Variants in RAD51 observed in about 807,000 individuals in gnomAD.
RAD51 encodes DNA repair protein RAD51 homolog 1.
In RAD51, 14 loss-of-function variants were observed where a neutral mutation model predicts 41.5. The ratio of observed to expected loss-of-function variants is 0.34; its 90% CI spans 0.22 to 0.53. The LOEUF (loss-of-function observed/expected upper bound fraction) is 0.53. Among genes scored for constraint, RAD51 ranks in the 20% least tolerant of loss-of-function variants. The probability of loss-of-function intolerance (pLI) is 0.95; values close to 1 mark genes in which losing one functional copy is unlikely to be tolerated. For missense variants in RAD51, 234 were observed against 422.0 expected, an observed-to-expected ratio of 0.55 and a Z score of 3.90; for synonymous variants, 136 against 148.6, an observed-to-expected ratio of 0.92 and a Z score of 0.62.
chr15:40,709,198 A>G (rs769205311), intron 5 of RAD51, 82 bp downstream of exon 5: 48 of 1,218,414 alleles, frequency 3.9e-5, no homozygotes, highest in Non-Finnish European at 5.1e-5. Context: ...TAGGATGGCC[A>G]TAAAAGGTAC....
In RAD51 at chr15:40,695,202, G is replaced by C. The variant is rs1011285648; in HGVS notation, c.-226G>C. ...TCTGAAAGCCGCTGGCGGACCGCGC[G>C]CAGCGGCCAGAGACCGAGCCCTAAG... On this transcript the variant is annotated 5_prime_UTR_variant, in exon 1 of 10. Transcript: ENST00000267868. The C allele has an allele frequency of 1.3e-5, 2 of 152,316 alleles. No individual in the cohort carries two copies. Among genetic ancestry groups the C allele is most frequent in the Non-Finnish European group, 2.9e-5 (2 of 68,116 alleles). 9.4% of individuals were successfully genotyped at this position (152,316 alleles called of 1,614,324 possible). A position where few individuals can be genotyped will look rare whatever the true frequency, so the allele number is the denominator to read the frequency against.
Position 40,701,114 on chromosome 15 carries a change from C to G in RAD51, c.138C>G (p.Phe46Leu), listed in dbSNP as rs1298742495. The G allele has an allele frequency of 1.2e-6, 2 of 1,614,176 alleles. No individual in the cohort carries two copies. Among genetic ancestry groups the G allele is most frequent in the Admixed American group, 1.7e-5 (1 of 60,014 alleles). The change falls in exon 3 of 10, where the codon TTC becomes TTG. Residue 46 changes from phenylalanine (F) to leucine (L), a missense_variant. Physicochemically the swap from Phe to Leu is conservative, Grantham distance 22. This residue lies in a region of RAD51 where 100 missense variants were observed against 135.5 expected (regional missense o/e 0.74). Coordinates refer to ENST00000267868, the MANE Select transcript of RAD51 (RefSeq NM_002875.5). The part of the protein sequence containing the change: ...NDVKKLEEAG[F>L]HTVEAVAYAP... ...TGAAGAAATTGGAAGAAGCTGGATT[C>G]CATACTGTGGAGGCTGTTGCCTATG...
chr15:40,722,400 C>T (rs555805128), intron 6 of RAD51, among the ~76,000 whole-genome samples: 18 of 144,690 alleles, frequency 1.2e-4, no homozygotes, highest in Non-Finnish European at 1.9e-4. Flanking sequence ...GCAACAAGAG[C>T]GAAACTCTGG....
At chr15:40,726,512 C>T (rs1896592627) in intron 6 of RAD51, among the ~76,000 whole-genome samples, 1 of 151,858 alleles carries the variant, frequency 6.6e-6, no homozygotes, top group African/African-American at 2.4e-5. Context: ...CCTTGGCCTC[C>T]CAAGGTGCTG....
At position 40,703,323 on chromosome 15, in the gene RAD51, A is replaced by G. The variant is rs562999829; in HGVS notation, c.225+2122A>G. On this transcript the variant is annotated intron_variant, in intron 3 of 9. Coordinates refer to ENST00000267868, the MANE Select transcript of RAD51 (RefSeq NM_002875.5). Reference sequence around the variant, plus strand: ...AATCCTGGCCTCAGGTAATCCGCCCATCTCAGTATCCCAAAGTGCTGGGAT... The same window carrying G: ...AATCCTGGCCTCAGGTAATCCGCCCGTCTCAGTATCCCAAAGTGCTGGGAT... Among the ~76,000 whole-genome samples the G allele has an allele frequency of 3.6e-4, 55 of 152,294 alleles. 1 individual carries two copies. In the South Asian group the frequency reaches 0.011, roughly 29 times the overall value.
At chr15:40,707,757 G>C (rs1006034551) in intron 4 of RAD51, among the ~76,000 whole-genome samples, 1 of 151,848 alleles carries the variant, frequency 6.6e-6, no homozygotes, top group African/African-American at 2.4e-5. Flanking sequence ...TTGCTCTGTT[G>C]CCCAGGCTAG....
chr15:40,707,611 A>T (rs537345143), intron 4 of RAD51, among the ~76,000 whole-genome samples: 1 of 151,142 alleles, frequency 6.6e-6, no homozygotes, highest in Non-Finnish European at 1.5e-5. Context: ...CTGGCCCCCA[A>T]TGTCAGTTTT....
chr15:40,704,025 C>T (rs1361115752), intron 3 of RAD51, among the ~76,000 whole-genome samples: 1 of 151,934 alleles, frequency 6.6e-6, no homozygotes, highest in Non-Finnish European at 1.5e-5. Flanking sequence ...GCCTCAGCCT[C>T]CCAGGTAACT....
At chr15:40,717,538 A>G (rs1049989157) in intron 5 of RAD51, among the ~76,000 whole-genome samples, 1 of 152,104 alleles carries the variant, frequency 6.6e-6, no homozygotes, top group African/African-American at 2.4e-5. Flanking sequence ...TAAAGCAGAG[A>G]TTTCCTTGAG....
At chr15:40,724,038 C>G (rs1040596988) in intron 6 of RAD51, among the ~76,000 whole-genome samples, 1 of 152,176 alleles carries the variant, frequency 6.6e-6, no homozygotes, top group African/African-American at 2.4e-5. Context: ...GGAGAATATT[C>G]TCTCTCGTTT....
At position 40,701,160 on chromosome 15, in the gene RAD51, A is replaced by G. The variant is rs1371546291; in HGVS notation, c.184A>G (p.Asn62Asp). 2 of 1,614,068 alleles carry G rather than the reference A, an allele frequency of 1.2e-6. No individual in the cohort carries two copies. The highest frequency in any genetic ancestry group is 3.3e-4 in the Middle Eastern group (2 of 6,084). ...CTATGCGCCAAAGAAGGAGCTAATA[A>G]ATATTAAGGGAATTAGTGAAGCCAA... Reference protein sequence around the residue: ...VAYAPKKELINIKGISEAKAD... With the variant: ...VAYAPKKELIDIKGISEAKAD... The change falls in exon 3 of 10, where the codon AAT becomes GAT. Residue 62 changes from asparagine (N) to aspartate (D), a missense_variant. Coordinates refer to ENST00000267868, the MANE Select transcript of RAD51 (RefSeq NM_002875.5).
At chr15:40,728,274 C>A (rs959656773) in intron 6 of RAD51, among the ~76,000 whole-genome samples, 3 of 152,064 alleles carry the variant, frequency 2.0e-5, no homozygotes, top group African/African-American at 7.2e-5. Flanking sequence ...CCAGCCTGAT[C>A]AATATGGTGA....
intron 1 of RAD51, among the ~76,000 whole-genome samples, chr15:40,696,686 C>G (rs544364265): frequency 6.6e-6 from 1 of 152,296 alleles, no homozygotes; most frequent in Admixed American, 6.5e-5. Context: ...ATGAGATGAA[C>G]TAATGTTGCT....
intron 7 of RAD51, 144 bp from the exon 8 acceptor site, chr15:40,729,361 A>C: frequency 2.2e-6 from 2 of 900,250 alleles, no homozygotes; most frequent in African/African-American, 2.0e-5. Context: ...CGACAGAGCT[A>C]GACTCCATCT....
chr15:40,705,881 C>G (rs766966090), intron 3 of RAD51, among the ~76,000 whole-genome samples: 1 of 152,242 alleles, frequency 6.6e-6, no homozygotes, highest in Non-Finnish European at 1.5e-5. Flanking sequence ...GCTGGGATTA[C>G]AGGCGTGAGC....
intron 5 of RAD51, among the ~76,000 whole-genome samples, chr15:40,716,305 A>C (rs1363809007): frequency 6.6e-6 from 1 of 152,206 alleles, no homozygotes; most frequent in African/African-American, 2.4e-5. Context: ...CATAGAAAAT[A>C]ATCTGGGAAA....
At chr15:40,697,574 C>CTTTTTTTTTTTTTT (rs11340353) in intron 1 of RAD51, among the ~76,000 whole-genome samples, 1 of 105,516 alleles carries the variant, frequency 9.5e-6, no homozygotes, top group Non-Finnish European at 1.8e-5. Context: ...GATGATATTT[C>CTTTTTTTTTTTTTT]TTTTTTTTTT....
intron 5 of RAD51, among the ~76,000 whole-genome samples, chr15:40,710,963 A>G (rs1213923756): frequency 6.6e-6 from 1 of 152,148 alleles, no homozygotes; most frequent in African/African-American, 2.4e-5. Context: ...GGACCCCTTC[A>G]GTTTCTTTTT....
intron 3 of RAD51, among the ~76,000 whole-genome samples, chr15:40,705,939 T>C (rs1407135421): frequency 6.6e-6 from 1 of 152,190 alleles, no homozygotes; most frequent in African/African-American, 2.4e-5. Context: ...TATATTAATA[T>C]ATTAACTTGA....
Sources: gnomAD v4.1 joint callset for allele counts (sites outside exome capture counted in the v4.1 genomes callset) on GRCh38, gnomAD v4.1.1 for gene constraint, gnomAD v4.1.1 regional missense constraint, MANE v1.5 for transcripts, NCBI Gene and HGNC (gene_info 2026-07-23, HGNC 2026-07-21) for gene names.